NFIC: variants seen among roughly 807,000 people sequenced by gnomAD.
The protein encoded by NFIC is nuclear factor I C.
In NFIC, 12 loss-of-function variants were observed where a neutral mutation model predicts 54.4. That is an observed-to-expected ratio of 0.22 (90% CI 0.14 to 0.36). The LOEUF (loss-of-function observed/expected upper bound fraction) is 0.36. NFIC is among the 10% of genes least tolerant of loss of function. The pLI is 1.00. For synonymous variants in NFIC, 322 were observed against 319.2 expected, an observed-to-expected ratio of 1.01 and a Z score of -0.09; for missense variants, 575 against 718.2, an observed-to-expected ratio of 0.80 and a Z score of 2.28.
intron 2 of NFIC, among the ~76,000 whole-genome samples, chr19:3,383,965 T>C (rs1478701881): frequency 2.0e-5 from 3 of 152,100 alleles, no homozygotes; most frequent in African/African-American, 7.2e-5. Flanking sequence ...TGCCACCTTC[T>C]AGAGCTGGTG....
intron 6 of NFIC, among the ~76,000 whole-genome samples, chr19:3,437,986 G>A (rs116639930): frequency 0.016 from 2,427 of 152,070 alleles, 76 homozygotes; most frequent in African/African-American, 0.056. Context: ...GTGAGCCACC[G>A]CACCCAGCCG....
chr19:3,430,835 G>C (rs2082108088), intron 3 of NFIC, among the ~76,000 whole-genome samples: 1 of 150,806 alleles, frequency 6.6e-6, no homozygotes, highest in South Asian at 2.1e-4. Context: ...GGGAGGCTGA[G>C]ACAGGAGAAT....
intron 6 of NFIC, among the ~76,000 whole-genome samples, chr19:3,435,413 T>C (rs2082185435): frequency 6.6e-6 from 1 of 152,164 alleles, no homozygotes; most frequent in African/African-American, 2.4e-5. Context: ...TTGGTTCCGC[T>C]GCGGCGAAGG....
chr19:3,463,347 A>C lies in NFIC; in HGVS notation c.*578A>C. 1.0e-6 allele frequency: 1 copy of C among 986,374 alleles called. No homozygotes were observed. The highest frequency in any genetic ancestry group is 4.7e-5 in the South Asian group (1 of 21,404). 61.1% of individuals were successfully genotyped at this position (986,374 alleles called of 1,614,324 possible). On this transcript the variant is annotated 3_prime_UTR_variant, in exon 11 of 11. Transcript: ENST00000443272. ...ACGCAGCCACTGGGGGGAAAGGGAG[A>C]CACAGCGGACCCCGGCCGGGCAGCG...
chr19:3,413,856 CA>C (rs2081806089), intron 2 of NFIC, among the ~76,000 whole-genome samples: 1 of 151,990 alleles, frequency 6.6e-6, no homozygotes, highest in Non-Finnish European at 1.5e-5. Flanking sequence ...AGGCTGGTCT[CA>C]AACTCCAGGC....
At chr19:3,419,542 G>A (rs186819625) in intron 2 of NFIC, among the ~76,000 whole-genome samples, 11 of 152,150 alleles carry the variant, frequency 7.2e-5, no homozygotes, top group South Asian at 2.1e-4. Flanking sequence ...GCTGAGGCAC[G>A]CGGATCACTT....
intron 5 of NFIC, 95 bp from the exon 6 acceptor site, chr19:3,434,988 G>A (rs895662930): frequency 1.8e-5 from 25 of 1,414,748 alleles, no homozygotes; most frequent in East Asian, 1.6e-4. Flanking sequence ...CCTCGCCCCC[G>A]CTCACTTAAG....
intron 6 of NFIC, among the ~76,000 whole-genome samples, chr19:3,441,845 G>A (rs1042150034): frequency 6.6e-6 from 1 of 152,186 alleles, no homozygotes; most frequent in African/African-American, 2.4e-5. Flanking sequence ...CTTGGCCCCT[G>A]GCCACCACCC....
intron 2 of NFIC, among the ~76,000 whole-genome samples, chr19:3,423,759 C>T (rs887836309): frequency 4.6e-5 from 7 of 152,208 alleles, no homozygotes; most frequent in African/African-American, 1.2e-4. Context: ...CCAAGCTGGG[C>T]GGGCAGTGGG....
At position 3,381,938 on chromosome 19, in the gene NFIC, C is replaced by T; in HGVS notation, c.257C>T (p.Pro86Leu). The T allele has an allele frequency of 3.7e-6, 6 of 1,613,600 alleles. No homozygotes were observed. The highest frequency in any genetic ancestry group is 5.1e-6 in the Non-Finnish European group (6 of 1,179,918). The change falls in exon 2 of 11, where the codon CCC becomes CTC. Residue 86 changes from proline (P) to leucine (L), a missense_variant. Around this residue, in one of 3 missense-constraint regions of NFIC, gnomAD observed 122 missense variants for 158.0 expected, o/e 0.77. Coordinates refer to ENST00000443272, the MANE Select transcript of NFIC (RefSeq NM_001245002.2). Reference protein sequence around the residue: ...LLAKLRKDIRPECREDFVLSI... With the variant: ...LLAKLRKDIRLECREDFVLSI... ...GCCAAGCTGCGCAAGGACATCCGGC[C>T]CGAGTGCCGCGAGGACTTCGTGCTG... is the stretch of plus-strand genomic sequence containing the variant.
At chr19:3,439,939 C>T (rs367830773) in intron 6 of NFIC, among the ~76,000 whole-genome samples, 3 of 151,948 alleles carry the variant, frequency 2.0e-5, no homozygotes, top group South Asian at 2.1e-4. Context: ...CTGCCCGCCT[C>T]GGCCTCCCAA....
chr19:3,464,364 CA>C lies in NFIC; in HGVS notation c.*1600del. 1 of 985,154 alleles carries C rather than the reference CA, an allele frequency of 1.0e-6. No individual in the cohort carries two copies. Among genetic ancestry groups the C allele is most frequent in the South Asian group, 4.7e-5 (1 of 21,286 alleles). The allele number at this position is 985,154 out of a possible 1,614,324, so 61.0% of individuals were successfully genotyped here. A position where few individuals can be genotyped will look rare whatever the true frequency, so the allele number is the denominator to read the frequency against. ...TAAGCGTTTTTCCGTTGAGCCGCTC[CA>C]AAAACACTAAGCTGGGGACGCCAGG... On this transcript the variant is annotated 3_prime_UTR_variant, in exon 11 of 11. Transcript: ENST00000443272.
intron 6 of NFIC, among the ~76,000 whole-genome samples, chr19:3,444,424 G>A (rs996706842): frequency 2.0e-5 from 3 of 152,262 alleles, no homozygotes; most frequent in African/African-American, 7.2e-5. Context: ...GAGATGGGCG[G>A]GGGACGCACA....
Position 3,459,042 on chromosome 19 carries a change from T to TCTCCCCTCGAC in NFIC, c.1509+2408_1509+2409insTCCCCTCGACC, listed in dbSNP as rs2082602182. 1.3e-5 allele frequency among the ~76,000 whole-genome samples: 2 copies of TCTCCCCTCGAC among 151,776 alleles called. No individual in the cohort carries two copies. Among genetic ancestry groups the TCTCCCCTCGAC allele is most frequent in the African/African-American group, 4.8e-5 (2 of 41,312 alleles). On this transcript the variant is annotated intron_variant, in intron 10 of 10. Transcript: ENST00000443272. This position sits in a 1 kb window ranked among gnomAD's most constrained non-coding sequence, Gnocchi z 4.2. ...GAGAGGGAGGGAAGAAGCAGTGAGATCCCGCTCTCCCCTCTCCCAGCTCCC... is the reference window on the plus strand; with the variant it reads ...GAGAGGGAGGGAAGAAGCAGTGAGATCTCCCCTCGACCCCGCTCTCCCCTCTCCCAGCTCCC...
chr19:3,413,914 A>C (rs2081806914), intron 2 of NFIC, among the ~76,000 whole-genome samples: 1 of 151,970 alleles, frequency 6.6e-6, no homozygotes, highest in Non-Finnish European at 1.5e-5. Flanking sequence ...CTAGCATTTC[A>C]ACGACCTGAA....
intron 1 of NFIC, among the ~76,000 whole-genome samples, chr19:3,376,428 C>CAAA (rs35724239): frequency 2.7e-4 from 13 of 48,188 alleles, no homozygotes; most frequent in East Asian, 5.8e-4. Flanking sequence ...GACACTGTCT[C>CAAA]AAAAAAAAAA....
intron 2 of NFIC, among the ~76,000 whole-genome samples, chr19:3,388,373 T>A (rs1178012180): frequency 2.0e-5 from 3 of 152,106 alleles, no homozygotes; most frequent in Non-Finnish European, 4.4e-5. Context: ...CTAACTGGTT[T>A]AATTCTCTCC....
At position 3,430,931 on chromosome 19, in the gene NFIC, CA is replaced by C. The variant is rs59760975; in HGVS notation, c.635-2572del. Among the ~76,000 whole-genome samples the C allele has an allele frequency of 1.5e-3, 124 of 80,118 alleles. 2 individuals are homozygous for C. The highest frequency in any genetic ancestry group is 7.1e-3 in the Middle Eastern group (1 of 140). The allele number at this position is 80,118 out of a possible 152,430, so 52.6% of individuals were successfully genotyped here. On this transcript the variant is annotated intron_variant, in intron 3 of 10. Transcript: ENST00000443272. ...TGGGCGACAGAGTGAGACTCCGTCT[CA>C]AAAAAAAAAAAAAAGAAAAGAAAAA... is the stretch of plus-strand genomic sequence containing the variant.
chr19:3,415,582 G>A (rs1254271014), intron 2 of NFIC, among the ~76,000 whole-genome samples: 1 of 152,088 alleles, frequency 6.6e-6, no homozygotes, highest in Non-Finnish European at 1.5e-5. Context: ...GGCAGCAGAG[G>A]AGGATGGGAA....
Sources: allele counts gnomAD v4.1 joint callset (sites outside exome capture counted in the v4.1 genomes callset), GRCh38; gene constraint gnomAD v4.1.1; regional missense constraint gnomAD v4.1.1; non-coding constraint Gnocchi (gnomAD v3.1); transcripts MANE v1.5; gene names NCBI Gene and HGNC (gene_info 2026-07-23, HGNC 2026-07-21).